The following PTPRD variants were observed in gnomAD, a reference collection of about 807,000 sequenced individuals.
PTPRD encodes protein tyrosine phosphatase receptor type D, also known as receptor-type tyrosine-protein phosphatase delta.
A neutral mutation model predicts 214.5 loss-of-function variants in PTPRD; 34 were observed. That is an observed-to-expected ratio of 0.16 (90% CI 0.12 to 0.21). The LOEUF (loss-of-function observed/expected upper bound fraction) is 0.21. Ranked by LOEUF, PTPRD falls within the 10% of genes least tolerant of loss-of-function variation. The pLI, the probability that PTPRD is intolerant of heterozygous loss-of-function variation, is 1.00. For synonymous variants in PTPRD, 1,128 were observed against 845.7 expected (o/e 1.33, Z -5.79); for missense variants, 2,545 against 2,398.7 (o/e 1.06, Z -1.27).
chr9:10,494,201 C>G (rs948629468), intron 2 of PTPRD, among the ~76,000 whole-genome samples: 1 of 151,886 alleles, frequency 6.6e-6, no homozygotes, highest in African/African-American at 2.4e-5. Context: ...GCAATATCCT[C>G]TAAAGATAGT....
At chr9:8,844,295 C>T (rs117190892) in intron 11 of PTPRD, among the ~76,000 whole-genome samples, 1,617 of 152,250 alleles carry the variant, frequency 0.011, 12 homozygotes, top group Middle Eastern at 0.024. Context: ...CCTACCACAT[C>T]CATGGTGTGT....
chr9:10,508,331 CTT>C (rs1332399540), intron 2 of PTPRD, among the ~76,000 whole-genome samples: 2 of 152,126 alleles, frequency 1.3e-5, no homozygotes, highest in Non-Finnish European at 2.9e-5. Flanking sequence ...AATAGGAACA[CTT>C]TTACACTGTT....
At chr9:8,619,723 CA>C (rs1355556988) in intron 14 of PTPRD, among the ~76,000 whole-genome samples, 1 of 151,860 alleles carries the variant, frequency 6.6e-6, no homozygotes, top group Non-Finnish European at 1.5e-5. Context: ...CTCCATTACA[CA>C]ACCAACTCAG....
intron 8 of PTPRD, among the ~76,000 whole-genome samples, chr9:9,427,317 T>C (rs564339796): frequency 1.3e-5 from 2 of 152,204 alleles, no homozygotes; most frequent in Non-Finnish European, 2.9e-5. Flanking sequence ...GTATCAGTGA[T>C]GGAAGATCAA....
intron 5 of PTPRD, among the ~76,000 whole-genome samples, chr9:9,895,056 A>G (rs1020393219): frequency 4.6e-5 from 7 of 152,018 alleles, no homozygotes; most frequent in South Asian, 2.1e-4. Context: ...CAATGCCTAC[A>G]TATTTCTAAA....
intron 10 of PTPRD, among the ~76,000 whole-genome samples, chr9:9,094,670 G>T (rs2099780953): frequency 6.6e-6 from 1 of 151,806 alleles, no homozygotes; most frequent in Admixed American, 6.6e-5. Context: ...AAAAACTATT[G>T]GAATAAAAAA....
intron 2 of PTPRD, among the ~76,000 whole-genome samples, chr9:10,572,126 G>C (rs1398014051): frequency 6.6e-6 from 1 of 152,078 alleles, no homozygotes; most frequent in Non-Finnish European, 1.5e-5. Flanking sequence ...ATGAAACAAA[G>C]CCATATTTTC....
chr9:10,383,609 T>C (rs1229677953), intron 2 of PTPRD, among the ~76,000 whole-genome samples: 1 of 151,850 alleles, frequency 6.6e-6, no homozygotes, highest in Admixed American at 6.6e-5. Flanking sequence ...GGATGACACC[T>C]TATCAGATCA....
intron 5 of PTPRD, among the ~76,000 whole-genome samples, chr9:9,932,479 A>G (rs4322384): frequency 0.059 from 8,251 of 140,334 alleles, 418 homozygotes; most frequent in East Asian, 0.17. Flanking sequence ...GGGTATCAGC[A>G]ATGGAAGATG....
intron 35 of PTPRD, among the ~76,000 whole-genome samples, chr9:8,423,844 A>G (rs2094505417): frequency 6.6e-6 from 1 of 152,066 alleles, no homozygotes; most frequent in South Asian, 2.1e-4. Flanking sequence ...GATTTTATTT[A>G]CCTAGATCAA....
chr9:10,001,529 T>C (rs1345319321), intron 4 of PTPRD, among the ~76,000 whole-genome samples: 8 of 152,148 alleles, frequency 5.3e-5, no homozygotes, highest in African/African-American at 1.7e-4. Context: ...ATCACATACT[T>C]GTCACTGTCA....
intron 11 of PTPRD, among the ~76,000 whole-genome samples, chr9:8,948,481 T>TTATATATATATTTACA (rs1567183030): frequency 6.6e-5 from 1 of 15,242 alleles, no homozygotes; most frequent in African/African-American, 1.5e-4. Flanking sequence ...ATATATATAT[T>TTATATATATATTTACA]TATATATATA....
chr9:8,357,920 C>T lies in PTPRD; in HGVS notation c.4662-15942G>A, dbSNP rs115817822. 1.8e-3 allele frequency among the ~76,000 whole-genome samples: 277 copies of T among 152,342 alleles called. 3 individuals are homozygous for T. Among genetic ancestry groups the T allele is most frequent in the African/African-American group, 6.6e-3 (273 of 41,574 alleles). On this transcript the variant is annotated intron_variant, in intron 39 of 45. Coordinates refer to ENST00000381196, the MANE Select transcript of PTPRD (RefSeq NM_002839.4). ...TCCACAAAATCTGGTCAATAGCCTACTCCCAGTCCCTCCCTTTCCCCTAAG... is the reference window on the plus strand; with the variant it reads ...TCCACAAAATCTGGTCAATAGCCTATTCCCAGTCCCTCCCTTTCCCCTAAG...
At chr9:8,668,104 T>G in intron 12 of PTPRD, among the ~76,000 whole-genome samples, 1 of 152,172 alleles carries the variant, frequency 6.6e-6, no homozygotes, top group East Asian at 1.9e-4. Flanking sequence ...TGTGCTAGTG[T>G]AAAAATATAT....
chr9:8,852,603 A>G (rs2097842136), intron 11 of PTPRD, among the ~76,000 whole-genome samples: 1 of 152,196 alleles, frequency 6.6e-6, no homozygotes, highest in South Asian at 2.1e-4. Flanking sequence ...TCTCAATACT[A>G]CTTGCCTGCT....
chr9:8,472,720 A>C (rs1449696888), intron 30 of PTPRD, among the ~76,000 whole-genome samples: 1 of 152,248 alleles, frequency 6.6e-6, no homozygotes, highest in Admixed American at 6.5e-5. Flanking sequence ...AAAATAAATT[A>C]TTAAAATTAA....
intron 10 of PTPRD, among the ~76,000 whole-genome samples, chr9:9,071,293 A>G (rs569122538): frequency 1.9e-4 from 29 of 152,298 alleles, no homozygotes; most frequent in African/African-American, 7.0e-4. Context: ...TCTCATTAGT[A>G]AATATGGCAA....
chr9:9,862,228 T>C (rs1196635370), intron 5 of PTPRD, among the ~76,000 whole-genome samples: 1 of 150,838 alleles, frequency 6.6e-6, no homozygotes, highest in Non-Finnish European at 1.5e-5. Context: ...AAAAAAAGTG[T>C]TTACCATTTT....
rs1328135707 is a variant in PTPRD at position 8,423,492 on chromosome 9, TA to T, written c.4086+13099del. Among the ~76,000 whole-genome samples, 5 of 152,164 alleles carry T rather than the reference TA, an allele frequency of 3.3e-5. No individual in the cohort carries two copies. In the East Asian group the frequency reaches 9.6e-4, roughly 29 times the overall value. On this transcript the variant is annotated intron_variant, in intron 35 of 45. Transcript: ENST00000381196. ...TGCAGAAACATGAAAGGATTTTGCATATATGAAAAGGTGTTTTTAGAATCTT... is the reference window on the plus strand; with the variant it reads ...TGCAGAAACATGAAAGGATTTTGCATTATGAAAAGGTGTTTTTAGAATCTT...
Sources: gnomAD v4.1 joint callset for allele counts (sites outside exome capture counted in the v4.1 genomes callset) on GRCh38, gnomAD v4.1.1 for gene constraint, MANE v1.5 for transcripts, NCBI Gene and HGNC (gene_info 2026-07-23, HGNC 2026-07-21) for gene names.